CTSD: variants seen among roughly 807,000 people sequenced by gnomAD.
CTSD encodes ceroid-lipofuscinosis, neuronal 10.
A neutral mutation model predicts 43.6 loss-of-function variants in CTSD; 28 were observed. The observed-to-expected ratio is 0.64, with a 90% CI of 0.48 to 0.88. CTSD has a LOEUF of 0.88. CTSD is among the 40% of genes least tolerant of loss of function. The probability of loss-of-function intolerance (pLI) is 0.00; values close to 1 mark genes in which losing one functional copy is unlikely to be tolerated. For synonymous variants in CTSD, 270 were observed against 249.8 expected, an observed-to-expected ratio of 1.08 and a Z score of -0.76; for missense variants, 485 against 555.2, an observed-to-expected ratio of 0.87 and a Z score of 1.27.
At chr11:1,759,875 TTC>T (rs1442287555) in intron 2 of CTSD, among the ~76,000 whole-genome samples, 1 of 152,220 alleles carries the variant, frequency 6.6e-6, no homozygotes, top group Non-Finnish European at 1.5e-5. Flanking sequence ...GACCCCTGGC[TTC>T]TGTCACCTAC....
rs1013396590 is a variant in CTSD, at chr11:1,753,106, G to A, written c.*397C>T. 6.3e-5 allele frequency: 20 copies of A among 319,498 alleles called. No individual in the cohort carries two copies. The highest frequency in any genetic ancestry group is 3.0e-4 in the African/African-American group (14 of 46,066). The allele number at this position is 319,498 out of a possible 1,614,324, so 19.8% of individuals were successfully genotyped here. A position where few individuals can be genotyped will look rare whatever the true frequency, so the allele number is the denominator to read the frequency against. On this transcript the variant is annotated 3_prime_UTR_variant, in exon 9 of 9. Coordinates refer to ENST00000236671, the MANE Select transcript of CTSD (RefSeq NM_001909.5). The stretch of plus-strand genomic sequence containing the variant: ...AGGGCAGGTTTCCAAGGGAGGGCCC[G>A]GGAGGACGGCCTGGTGTGGGGTAGG...
chr11:1,753,722 AC>A (rs1565018611), intron 8 of CTSD, 52 bp from the exon 9 acceptor site: 1 of 1,605,540 alleles, frequency 6.2e-7, no homozygotes, highest in South Asian at 1.1e-5. Context: ...CCGCCCCCCC[AC>A]CTGTTGCCCG....
intron 6 of CTSD, among the ~76,000 whole-genome samples, chr11:1,754,558 A>AGGGAGGGAG: frequency 1.6e-5 from 1 of 61,800 alleles, no homozygotes; most frequent in East Asian, 6.0e-4. Context: ...GAGGGGATGG[A>AGGGAGGGAG]GGGATGGAGG....
intron 1 of CTSD, 38 bp downstream of exon 1, chr11:1,763,754 C>A: frequency 6.6e-7 from 1 of 1,510,990 alleles, no homozygotes; most frequent in Non-Finnish European, 8.8e-7. Context: ...GCGCCGCGAC[C>A]CCTGCCCGTC....
In CTSD at chr11:1,753,651, G is replaced by A; in HGVS notation, c.1091C>T (p.Thr364Ile). The A allele has an allele frequency of 6.2e-7, 1 of 1,612,934 alleles. No homozygotes were observed. Among genetic ancestry groups the A allele is most frequent in the Non-Finnish European group, 8.5e-7 (1 of 1,179,868 alleles). ...GCCCATGAAGCCGCTCAGGCAGAGG[G>A]TCTTCCCGGCCTGCGACACCTGGGA... The part of the protein sequence containing the change: ...YTLKVSQAGK[T>I]LCLSGFMGMD... Residue 364 changes from threonine to isoleucine, a missense_variant, in exon 9 of 9, where the codon ACC becomes ATC. Coordinates refer to ENST00000236671, the MANE Select transcript of CTSD (RefSeq NM_001909.5).
intron 1 of CTSD, chr11:1,761,769 T>G: frequency 2.1e-6 from 1 of 482,762 alleles, no homozygotes; most frequent in South Asian, 2.0e-5. Context: ...CCTCAGCCAT[T>G]CTGGAGGCTC....
Position 1,757,401 on chromosome 11 carries a change from G to A in CTSD, c.627C>T (p.Asn209=), listed in dbSNP as rs772453588. The change falls in exon 5 of 9, where the codon AAC becomes AAT. Residue 209 remains asparagine, a synonymous_variant. Coordinates refer to ENST00000236671, the MANE Select transcript of CTSD (RefSeq NM_001909.5). Reference sequence around the variant, plus strand: ...GGTTGTCGAAGACGGGCAGCACGTTGTTGACGGAGATGCGGGGGTAGGCCA... The same window carrying A: ...GGTTGTCGAAGACGGGCAGCACGTTATTGACGGAGATGCGGGGGTAGGCCA... ...LGMAYPRISV[N]NVLPVFDNLM... 11 of 1,614,072 alleles carry A rather than the reference G, an allele frequency of 6.8e-6. No homozygotes were observed. The African/African-American group carries it at 1.5e-4, about 22-fold the overall frequency.
rs199970387 is a variant in CTSD at position 1,753,290 on chromosome 11, GGA to G, written c.*211_*212del. 0.013 allele frequency: 8,073 copies of G among 633,750 alleles called. 87 individuals are homozygous for G. The highest frequency in any genetic ancestry group is 0.015 in the Non-Finnish European group (5,438 of 352,992). The allele number at this position is 633,750 out of a possible 1,614,324, so 39.3% of individuals were successfully genotyped here. ...TCAGCTCTACCCCCACCAAACAGAT[GGA>G]GAGACAGACAGGCAGGCAGCATTTC... On this transcript the variant is annotated 3_prime_UTR_variant, in exon 9 of 9. Transcript: ENST00000236671.
chr11:1,760,530 A>C (rs1281658259), intron 2 of CTSD: 2 of 152,446 alleles, frequency 1.3e-5, no homozygotes, highest in Non-Finnish European at 1.5e-5. Context: ...GACCACTGGC[A>C]GGGGGACACT....
chr11:1,754,864 C>T (rs368426582), intron 6 of CTSD, 42 bp downstream of exon 6: 57 of 1,612,662 alleles, frequency 3.5e-5, no homozygotes, highest in Admixed American at 2.0e-4. Flanking sequence ...ACACCGCCCC[C>T]GCCCACAGAA....
intron 1 of CTSD, 70 bp downstream of exon 1, chr11:1,763,722 C>A: frequency 7.8e-6 from 11 of 1,403,062 alleles, no homozygotes; most frequent in Non-Finnish European, 1.0e-5. Flanking sequence ...GCGCGAAAGT[C>A]ACCACAGGCC....
chr11:1,761,447 C>T lies in CTSD; in HGVS notation c.90G>A (p.Thr30=), dbSNP rs368529527. 191 of 1,613,730 alleles carry T rather than the reference C, an allele frequency of 1.2e-4. No homozygotes were observed. Among genetic ancestry groups the T allele is most frequent in the South Asian group, 2.9e-4 (26 of 91,094 alleles). ...CCTCCGACATGGTCCGGCGGATGGA[C>T]GTGAACTTGTGCAGCGGGATCCTGT... is the stretch of plus-strand genomic sequence containing the variant. ...ALVRIPLHKF[T]SIRRTMSEVG... Residue 30 remains threonine (T), a synonymous_variant, in exon 2 of 9, where the codon ACG becomes ACA. Transcript: ENST00000236671.
chr11:1,753,557 A>G lies in CTSD; in HGVS notation c.1185T>C (p.Thr395=). The G allele has an allele frequency of 1.2e-6, 2 of 1,613,050 alleles. No individual in the cohort carries two copies. Among genetic ancestry groups the G allele is most frequent in the Non-Finnish European group, 1.7e-6 (2 of 1,179,912 alleles). Residue 395 remains threonine (T), a synonymous_variant, in exon 9 of 9, where the codon ACT becomes ACC. Transcript: ENST00000236671. ...CCCTGTTGTTGTCACGGTCAAACACAGTGTAGTAGCGGCCGATGAAGACGT... is the reference window on the plus strand; with the variant it reads ...CCCTGTTGTTGTCACGGTCAAACACGGTGTAGTAGCGGCCGATGAAGACGT... ...LGDVFIGRYY[T]VFDRDNNRVG...
chr11:1,757,666 G>A (rs1845826629), intron 4 of CTSD, 110 bp from the exon 5 acceptor site: 7 of 883,750 alleles, frequency 7.9e-6, no homozygotes, highest in Non-Finnish European at 1.1e-5. Context: ...CACACACGAT[G>A]GGGCCCAGAG....
chr11:1,754,215 C>A, intron 6 of CTSD, 77 bp from the exon 7 acceptor site: 2 of 1,532,642 alleles, frequency 1.3e-6, no homozygotes, highest in East Asian at 2.4e-5. Flanking sequence ...CCCTGGGAGC[C>A]CCTCCCCTGG....
Position 1,763,914 on chromosome 11 carries a change from A to G in CTSD, c.-55T>C, listed in dbSNP as rs1306951130. 2 of 1,459,516 alleles carry G rather than the reference A, an allele frequency of 1.4e-6. No homozygotes were observed. Among genetic ancestry groups the G allele is most frequent in the Non-Finnish European group, 1.8e-6 (2 of 1,092,742 alleles). The allele number at this position is 1,459,516 out of a possible 1,614,324, so 90.4% of individuals were successfully genotyped here. On this transcript the variant is annotated 5_prime_UTR_variant, in exon 1 of 9. Transcript: ENST00000236671. ...CCGAGGCCGTGCGCTTATAGCCGGGATGACGCCGCAGTTGGGCCGGATCAG... is the reference window on the plus strand; with the variant it reads ...CCGAGGCCGTGCGCTTATAGCCGGGGTGACGCCGCAGTTGGGCCGGATCAG...
At chr11:1,753,939 G>A (rs1337574889) in intron 7 of CTSD, 38 bp from the exon 8 acceptor site, 1 of 1,612,018 alleles carries the variant, frequency 6.2e-7, no homozygotes, top group East Asian at 2.2e-5. Flanking sequence ...TGGTAGTGGT[G>A]GCCTTGGGGC....
At chr11:1,761,058 C>T in intron 2 of CTSD, 1 of 534,448 alleles carries the variant, frequency 1.9e-6, no homozygotes, top group Non-Finnish European at 3.4e-6. Flanking sequence ...GAGCTGGCAC[C>T]AAGGCCCGAG....
Position 1,753,509 on chromosome 11 carries a change from G to A in CTSD, c.1233C>T (p.Arg411=). ...CGCGCGGACGCCTTGGGAACTAGAG[G>A]CGGGCAGCCTCGGCGAAGCCCACCC... The part of the protein sequence containing the change: ...NNRVGFAEAA[R]L The change falls in exon 9 of 9, where the codon CGC becomes CGT. Residue 411 remains arginine (R), a synonymous_variant. Coordinates refer to ENST00000236671, the MANE Select transcript of CTSD (RefSeq NM_001909.5). 1 of 1,612,970 alleles carries A rather than the reference G, an allele frequency of 6.2e-7. No homozygotes were observed. The highest frequency in any genetic ancestry group is 1.1e-5 in the South Asian group (1 of 91,090).
Sources: gnomAD v4.1 joint callset for allele counts (sites outside exome capture counted in the v4.1 genomes callset) on GRCh38, gnomAD v4.1.1 for gene constraint, MANE v1.5 for transcripts, NCBI Gene and HGNC (gene_info 2026-07-23, HGNC 2026-07-21) for gene names.